PLXNB2: variants seen among roughly 807,000 people sequenced by gnomAD.
PLXNB2 encodes plexin B2.
PLXNB2 carries 85 observed loss-of-function variants against 202.6 expected under a neutral mutation model. That is an observed-to-expected ratio of 0.42 (90% confidence interval 0.35 to 0.50). The LOEUF (loss-of-function observed/expected upper bound fraction) is 0.50, where lower values mean the gene tolerates loss of function less well. Ranked by LOEUF, PLXNB2 falls within the 20% of genes least tolerant of loss-of-function variation. The pLI, the probability that PLXNB2 is intolerant of heterozygous loss-of-function variation, is 0.02. For missense variants in PLXNB2, 2,063 were observed against 2,586.2 expected, an observed-to-expected ratio of 0.80 and a Z score of 4.39; for synonymous variants, 1,239 against 1,137.6, an observed-to-expected ratio of 1.09 and a Z score of -1.79.
Position 50,278,874 on chromosome 22 carries a change from C to A in PLXNB2, c.4527G>T (p.Arg1509Ser). The A allele has an allele frequency of 6.2e-7, 1 of 1,612,152 alleles. No individual in the cohort carries two copies. The highest frequency in any genetic ancestry group is 8.5e-7 in the Non-Finnish European group (1 of 1,179,102). Residue 1509 changes from arginine to serine, a missense_variant, in exon 28 of 37, where the codon AGG (arginine) becomes AGT (serine). By Grantham distance (110) the Arg-to-Ser change is moderately radical. Transcript: ENST00000359337. ...YRGQPCSCWPRPDSVVLEWRP... is the reference protein window; with the variant it reads ...YRGQPCSCWPSPDSVVLEWRP... ...ACTCACCCAGGACCACGCTGTCTGG[C>A]CTGGGCCAGCAGGAGCAGGGCTGCC...
chr22:50,281,814 C>A (rs747576712), intron 20 of PLXNB2, 40 bp downstream of exon 20: 2 of 1,591,806 alleles, frequency 1.3e-6, no homozygotes, highest in East Asian at 4.5e-5. Context: ...CAGCCCAGAC[C>A]CGAGCAGGAC....
chr22:50,290,616 G>C lies in PLXNB2; in HGVS notation c.-13-19C>G, dbSNP rs776787699. 1 of 1,552,454 alleles carries C rather than the reference G, an allele frequency of 6.4e-7. No homozygotes were observed. The highest frequency in any genetic ancestry group is 8.7e-7 in the Non-Finnish European group (1 of 1,152,060). On this transcript the variant is annotated intron_variant, in intron 2 of 36. Coordinates refer to ENST00000359337, the MANE Select transcript of PLXNB2 (RefSeq NM_012401.4). ...CCGCACCCTGTGGGAAGAGAGAAGG[G>C]TCAGGGGAGCCCCGACCCAGAGGAC... is the stretch of plus-strand genomic sequence containing the variant.
In PLXNB2 at chr22:50,290,614, G is replaced by A. The variant is rs768846811; in HGVS notation, c.-13-17C>T. 6.4e-7 allele frequency: 1 copy of A among 1,556,114 alleles called. No individual in the cohort carries two copies. The highest frequency in any genetic ancestry group is 8.7e-7 in the Non-Finnish European group (1 of 1,153,572). Reference sequence around the variant, plus strand: ...CCCCGCACCCTGTGGGAAGAGAGAAGGGTCAGGGGAGCCCCGACCCAGAGG... The same window carrying A: ...CCCCGCACCCTGTGGGAAGAGAGAAAGGTCAGGGGAGCCCCGACCCAGAGG... On this transcript the variant is annotated splice_polypyrimidine_tract_variant and intron_variant, in intron 2 of 36. Transcript: ENST00000359337.
chr22:50,296,702 C>CAAG (rs1258649102), intron 1 of PLXNB2, among the ~76,000 whole-genome samples: 1 of 152,092 alleles, frequency 6.6e-6, no homozygotes, highest in African/African-American at 2.4e-5. Flanking sequence ...CCCCTACAAC[C>CAAG]AAGGTTCAGC....
At chr22:50,286,436 G>A (rs977516857) in intron 8 of PLXNB2, 149 bp from the exon 9 acceptor site, 62 of 616,950 alleles carry the variant, frequency 1.0e-4, no homozygotes, top group Non-Finnish European at 1.3e-4. Context: ...CATGTTGGGC[G>A]GGGCCTGCCA....
At position 50,291,506 on chromosome 22, in the gene PLXNB2, C is replaced by T. The variant is rs2066867748; in HGVS notation, c.-13-909G>A. Among the ~76,000 whole-genome samples the T allele has an allele frequency of 6.6e-6, 1 of 152,138 alleles. No individual in the cohort carries two copies. The highest frequency in any genetic ancestry group is 2.1e-4 in the South Asian group (1 of 4,826). On this transcript the variant is annotated intron_variant, in intron 2 of 36. Coordinates refer to ENST00000359337, the MANE Select transcript of PLXNB2 (RefSeq NM_012401.4). The surrounding 1 kb of genome is among the most constrained non-coding windows in gnomAD (Gnocchi z 4.3). ...GATGGGTGAGCTGCTGAGGACCAGG[C>T]TGAGCTGAGGGTCTCCCAATAGGAG...
chr22:50,295,250 G>A (rs930151938), intron 1 of PLXNB2, among the ~76,000 whole-genome samples: 4 of 149,008 alleles, frequency 2.7e-5, no homozygotes, highest in Admixed American at 1.4e-4. Context: ...GAACCCGGCC[G>A]ATGGAACTTG....
chr22:50,300,333 T>C, intron 1 of PLXNB2: 1 of 985,128 alleles, frequency 1.0e-6, no homozygotes, highest in Non-Finnish European at 1.2e-6. Context: ...CTCCGAGCCG[T>C]GGAAGGGGCG....
chr22:50,294,660 C>T (rs1316353413), intron 2 of PLXNB2, 59 bp downstream of exon 2: 5 of 765,308 alleles, frequency 6.5e-6, no homozygotes, highest in Non-Finnish European at 4.8e-6. Context: ...TAGATACCTC[C>T]GGCCTCCCTG....
Position 50,282,863 on chromosome 22 carries a change from C to T in PLXNB2, c.2835G>A (p.Gln945=), listed in dbSNP as rs1161232263. 1.9e-6 allele frequency: 3 copies of T among 1,610,356 alleles called. No homozygotes were observed. Among genetic ancestry groups the T allele is most frequent in the African/African-American group, 2.7e-5 (2 of 74,866 alleles). The change falls in exon 18 of 37, where the codon CAG becomes CAA. Residue 945 remains glutamine, a synonymous_variant. Transcript: ENST00000359337. ...CCTGGGGGCCAGTGACACACTGGAG[C>T]TGCGCCCCAAACTTCGTCCTGGGGG... ...VPCKVTKFGA[Q]LQCVTGPQAT... is the part of the protein sequence containing the mutation.
chr22:50,279,855 C>T (rs1018492860), intron 26 of PLXNB2, 79 bp from the exon 27 acceptor site: 18 of 1,542,240 alleles, frequency 1.2e-5, no homozygotes, highest in Non-Finnish European at 1.6e-5. Context: ...TGGCCAGAGG[C>T]ATGGACGGGG....
At chr22:50,280,714 G>GGCCCACCCCCCCC in intron 24 of PLXNB2, 30 bp downstream of exon 24, 1 of 1,528,948 alleles carries the variant, frequency 6.5e-7, no homozygotes, top group Non-Finnish European at 8.9e-7. Flanking sequence ...CCACCTGTGT[G>GGCCCACCCCCCCC]CCCTCCCGCC....
chr22:50,298,706 C>T (rs2067452800), intron 1 of PLXNB2, among the ~76,000 whole-genome samples: 1 of 152,156 alleles, frequency 6.6e-6, no homozygotes. Flanking sequence ...AGTGTAGGGG[C>T]ATGATCTTGG....
At chr22:50,299,330 A>G (rs1225557956) in intron 1 of PLXNB2, among the ~76,000 whole-genome samples, 3 of 146,384 alleles carry the variant, frequency 2.0e-5, no homozygotes, top group East Asian at 4.2e-4. Flanking sequence ...GGGGCGGGGG[A>G]AGCAGCCTCG....
Position 50,275,813 on chromosome 22 carries a change from G to A in PLXNB2, c.5413-5C>T, listed in dbSNP as rs2065506520. Reference sequence around the variant, plus strand: ...CTCCTCCAAGGCATTGATGATCTGAGGGAGGGTCGCATCAGAGCACACCGG... The same window carrying A: ...CTCCTCCAAGGCATTGATGATCTGAAGGAGGGTCGCATCAGAGCACACCGG... On this transcript the variant is annotated splice_region_variant and splice_polypyrimidine_tract_variant and intron_variant, in intron 36 of 36. Coordinates refer to ENST00000359337, the MANE Select transcript of PLXNB2 (RefSeq NM_012401.4). The A allele has an allele frequency of 1.9e-6, 3 of 1,609,960 alleles. No individual in the cohort carries two copies. The highest frequency in any genetic ancestry group is 2.5e-6 in the Non-Finnish European group (3 of 1,177,720).
Position 50,301,554 on chromosome 22 carries a change from C to T in PLXNB2, c.-74+5999G>A, listed in dbSNP as rs1287503448. 8 of 217,302 alleles carry T rather than the reference C, an allele frequency of 3.7e-5. No individual in the cohort carries two copies. The South Asian group carries it at 4.9e-4, about 13-fold the overall frequency. The allele number at this position is 217,302 out of a possible 1,614,324, so 13.5% of individuals were successfully genotyped here. A position where few individuals can be genotyped will look rare whatever the true frequency, so the allele number is the denominator to read the frequency against. ...TCTCCTGAAAGGAGGCCTCCCGGCC[C>T]GCCGGTGCCCAGCCCCACCTGCAGG... On this transcript the variant is annotated intron_variant, in intron 1 of 36. Coordinates refer to ENST00000359337, the MANE Select transcript of PLXNB2 (RefSeq NM_012401.4).
rs747863495 is a variant in PLXNB2, at chr22:50,290,416, G to T, written c.169C>A (p.Leu57Met). Residue 57 changes from leucine (L) to methionine (M), a missense_variant, in exon 3 of 37, where the codon CTG becomes ATG. Physicochemically the swap from Leu to Met is conservative, Grantham distance 15. This residue lies in a region of PLXNB2 where 1,303 missense variants were observed against 1,476.8 expected (regional missense o/e 0.88). Transcript: ENST00000359337. The stretch of plus-strand genomic sequence containing the variant: ...TGCTCCAGCTGCAGCTTCGCATCCA[G>T]CTGGTAGAGGGCATTCACCGCCCCC... ...YLGAVNALYQLDAKLQLEQQV... is the reference protein window; with the variant it reads ...YLGAVNALYQMDAKLQLEQQV... The T allele has an allele frequency of 6.2e-7, 1 of 1,612,978 alleles. No homozygotes were observed. Among genetic ancestry groups the T allele is most frequent in the Non-Finnish European group, 8.5e-7 (1 of 1,180,008 alleles).
At chr22:50,303,264 C>T (rs1239807117) in intron 1 of PLXNB2, among the ~76,000 whole-genome samples, 1 of 152,220 alleles carries the variant, frequency 6.6e-6, no homozygotes, top group Admixed American at 6.5e-5. Flanking sequence ...CACAGCCACC[C>T]ACGCAGCCTG....
At chr22:50,296,760 T>C (rs1459901973) in intron 1 of PLXNB2, among the ~76,000 whole-genome samples, 2 of 152,022 alleles carry the variant, frequency 1.3e-5, no homozygotes, top group Non-Finnish European at 2.9e-5. Flanking sequence ...CTGGCCAGGT[T>C]GTGTGCCAGC....
Sources: gnomAD v4.1 joint callset for allele counts (sites outside exome capture counted in the v4.1 genomes callset) on GRCh38, gnomAD v4.1.1 for gene constraint, gnomAD v4.1.1 regional missense constraint, Gnocchi (gnomAD v3.1) non-coding constraint, MANE v1.5 for transcripts, NCBI Gene and HGNC (gene_info 2026-07-23, HGNC 2026-07-21) for gene names.